SLC16A7: variants seen among roughly 807,000 people sequenced by gnomAD.
SLC16A7 encodes the protein monocarboxylate transporter 2.
In SLC16A7, 33 loss-of-function variants were observed where a neutral mutation model predicts 34.9. The ratio of observed to expected loss-of-function variants is 0.94; its 90% CI spans 0.72 to 1.26. The LOEUF (loss-of-function observed/expected upper bound fraction) is 1.26, where lower values mean the gene tolerates loss of function less well. Ranked by LOEUF, SLC16A7 falls within the 50% of genes most tolerant of loss-of-function variation. SLC16A7 has a pLI of 0.00. For missense variants in SLC16A7, 573 were observed against 578.1 expected (o/e 0.99, Z 0.09); for synonymous variants, 201 against 206.6 (o/e 0.97, Z 0.23).
chr12:59,697,947 C>T (rs1364401508), intron 2 of SLC16A7, among the ~76,000 whole-genome samples: 3 of 151,686 alleles, frequency 2.0e-5, no homozygotes, highest in Non-Finnish European at 3.0e-5. Context: ...AATAACTATA[C>T]TGAGAACTTG....
chr12:59,700,241 A>C (rs895249020), intron 2 of SLC16A7, among the ~76,000 whole-genome samples: 1 of 151,692 alleles, frequency 6.6e-6, no homozygotes, highest in African/African-American at 2.4e-5. Flanking sequence ...TTGTTTTTCT[A>C]CTATGTGCAG....
rs138948379 is a variant in SLC16A7 at position 59,747,938 on chromosome 12, C to CA, written c.218-23280dup. Among the ~76,000 whole-genome samples, 284 of 152,314 alleles carry CA rather than the reference C, an allele frequency of 1.9e-3. 1 individual carries two copies. Among genetic ancestry groups the CA allele is most frequent in the African/African-American group, 6.2e-3 (256 of 41,568 alleles). On this transcript the variant is annotated intron_variant, in intron 3 of 5. Coordinates refer to ENST00000547379, the MANE Select transcript of SLC16A7 (RefSeq NM_001270623.2). ...GAATCATAGGCCACGCGCTGTGGCA[C>CA]ACACCTGTAATTCCAATACTTTGGG...
intron 1 of SLC16A7, among the ~76,000 whole-genome samples, chr12:59,638,879 TAA>T (rs1182267435): frequency 2.0e-5 from 3 of 152,184 alleles, no homozygotes; most frequent in South Asian, 2.1e-4. Flanking sequence ...TCTTAAACAT[TAA>T]GTTTTAATTT....
chr12:59,779,350 TA>T, intron 5 of SLC16A7, 72 bp from the exon 6 acceptor site: 1 of 1,148,952 alleles, frequency 8.7e-7, no homozygotes, highest in Non-Finnish European at 1.2e-6. Context: ...CTTTGAAGAA[TA>T]ATTTATTTGA....
intron 1 of SLC16A7, among the ~76,000 whole-genome samples, chr12:59,642,979 A>G (rs1222119200): frequency 6.6e-6 from 1 of 152,136 alleles, no homozygotes; most frequent in Non-Finnish European, 1.5e-5. Context: ...TATCACTGCC[A>G]GCATATCCTC....
At chr12:59,728,580 C>G (rs571890616) in intron 3 of SLC16A7, among the ~76,000 whole-genome samples, 3 of 152,266 alleles carry the variant, frequency 2.0e-5, no homozygotes, top group African/African-American at 7.2e-5. Flanking sequence ...AGCCAATTAG[C>G]TGAGCGTGGT....
intron 1 of SLC16A7, among the ~76,000 whole-genome samples, chr12:59,616,241 G>A (rs1228385325): frequency 1.3e-5 from 2 of 151,984 alleles, no homozygotes; most frequent in Non-Finnish European, 2.9e-5. Flanking sequence ...ACTGAAGGTG[G>A]GAAGCACCCT....
chr12:59,665,147 G>A (rs1869088396), intron 2 of SLC16A7, among the ~76,000 whole-genome samples: 1 of 152,010 alleles, frequency 6.6e-6, no homozygotes, highest in Non-Finnish European at 1.5e-5. Flanking sequence ...ATTCTGTATT[G>A]TATTAGATGG....
intron 3 of SLC16A7, chr12:59,769,265 G>A (rs1240410146): frequency 6.6e-6 from 1 of 152,160 alleles, no homozygotes; most frequent in African/African-American, 2.4e-5. Flanking sequence ...CAAAAAATTT[G>A]TGACTCACTT....
chr12:59,771,547 T>A (rs1449957359), intron 4 of SLC16A7, among the ~76,000 whole-genome samples, 185 bp downstream of exon 4: 1 of 152,130 alleles, frequency 6.6e-6, no homozygotes, highest in Non-Finnish European at 1.5e-5. Context: ...ATTTCATTTT[T>A]AAAAAAATAA....
At chr12:59,708,959 GC>G (rs1873907733) in intron 3 of SLC16A7, among the ~76,000 whole-genome samples, 1 of 151,550 alleles carries the variant, frequency 6.6e-6, no homozygotes, top group Non-Finnish European at 1.5e-5. Context: ...GCAAATTTTA[GC>G]AAATAGGTCA....
chr12:59,653,208 C>A (rs1036602379), intron 1 of SLC16A7, among the ~76,000 whole-genome samples: 3 of 151,400 alleles, frequency 2.0e-5, no homozygotes, highest in Admixed American at 1.3e-4. Context: ...TAGAGAAAAA[C>A]CAGGGAATTT....
At chr12:59,612,612 A>G (rs182839658) in intron 1 of SLC16A7, among the ~76,000 whole-genome samples, 3 of 152,200 alleles carry the variant, frequency 2.0e-5, no homozygotes, top group East Asian at 3.9e-4. Context: ...CTTTTCTATC[A>G]CATCATCAGG....
intron 1 of SLC16A7, among the ~76,000 whole-genome samples, chr12:59,616,359 C>G (rs1478890524): frequency 6.6e-6 from 1 of 152,026 alleles, no homozygotes; most frequent in Non-Finnish European, 1.5e-5. Flanking sequence ...AGAATGATAA[C>G]AATTAAAAAA....
At chr12:59,657,427 T>C (rs1233827053) in intron 2 of SLC16A7, among the ~76,000 whole-genome samples, 1 of 152,000 alleles carries the variant, frequency 6.6e-6, no homozygotes, top group Non-Finnish European at 1.5e-5. Flanking sequence ...TGTCACTACT[T>C]AAGCATGTGA....
intron 1 of SLC16A7, among the ~76,000 whole-genome samples, chr12:59,642,348 G>A (rs187728337): frequency 6.6e-6 from 1 of 152,032 alleles, no homozygotes; most frequent in African/African-American, 2.4e-5. Flanking sequence ...ACCCCAGGGT[G>A]GTTAGATATC....
At chr12:59,776,132 A>T (rs970402592) in intron 5 of SLC16A7, among the ~76,000 whole-genome samples, 12 of 152,156 alleles carry the variant, frequency 7.9e-5, no homozygotes, top group Non-Finnish European at 1.3e-4. Flanking sequence ...TCTGTGCTAA[A>T]TTATTCAGTA....
At position 59,782,877 on chromosome 12, in the gene SLC16A7, C is replaced by G. The variant is rs1883344901; in HGVS notation, c.*3198C>G. On this transcript the variant is annotated 3_prime_UTR_variant, in exon 6 of 6. Coordinates refer to ENST00000547379, the MANE Select transcript of SLC16A7 (RefSeq NM_001270623.2). Reference sequence around the variant, plus strand: ...AATCTACAGGACTCATAAACAATCACTTTTTTGGTGCCAAGTTTCAACCCT... The same window carrying G: ...AATCTACAGGACTCATAAACAATCAGTTTTTTGGTGCCAAGTTTCAACCCT... 1 of 152,130 alleles carries G rather than the reference C, an allele frequency of 6.6e-6. No individual in the cohort carries two copies. The highest frequency in any genetic ancestry group is 2.4e-5 in the African/African-American group (1 of 41,450). The allele number at this position is 152,130 out of a possible 1,614,324, so 9.4% of individuals were successfully genotyped here.
At chr12:59,628,920 G>A (rs909891173) in intron 1 of SLC16A7, among the ~76,000 whole-genome samples, 5 of 151,548 alleles carry the variant, frequency 3.3e-5, no homozygotes, top group Admixed American at 6.6e-5. Flanking sequence ...TTATCTGGTC[G>A]GCGTGGGCTG....
Sources: gnomAD v4.1 joint callset for allele counts (sites outside exome capture counted in the v4.1 genomes callset) on GRCh38, gnomAD v4.1.1 for gene constraint, MANE v1.5 for transcripts, NCBI Gene and HGNC (gene_info 2026-07-23, HGNC 2026-07-21) for gene names.